BEND4: variants seen among roughly 807,000 people sequenced by gnomAD.
BEND4 encodes BEN domain-containing protein 4.
A neutral mutation model predicts 54.7 loss-of-function variants in BEND4; 27 were observed. The observed-to-expected ratio is 0.49, with a 90% confidence interval of 0.36 to 0.68. The LOEUF is 0.68. BEND4 is among the 30% of genes least tolerant of loss of function. BEND4 has a pLI of 0.00. For missense variants in BEND4, 702 were observed against 697.2 expected (o/e 1.01, Z -0.08); for synonymous variants, 327 against 299.5 (o/e 1.09, Z -0.95).
intron 4 of BEND4, among the ~76,000 whole-genome samples, chr4:42,125,075 C>T (rs1322461525): frequency 3.3e-5 from 5 of 152,052 alleles, no homozygotes; most frequent in Non-Finnish European, 7.4e-5. Context: ...AAGTATGTAC[C>T]ATCTTTATTA....
At chr4:42,120,504 A>G (rs896774123) in intron 4 of BEND4, among the ~76,000 whole-genome samples, 1 of 152,252 alleles carries the variant, frequency 6.6e-6, no homozygotes, top group Non-Finnish European at 1.5e-5. Flanking sequence ...CCAATGAGGT[A>G]TAATGAACAC....
intron 3 of BEND4, among the ~76,000 whole-genome samples, chr4:42,137,314 T>G (rs1411932953): frequency 2.0e-5 from 3 of 152,180 alleles, no homozygotes; most frequent in Admixed American, 2.0e-4. Flanking sequence ...GATTTCTACA[T>G]GCAAAAGAAT....
Position 42,143,642 on chromosome 4 carries a change from A to G in BEND4, c.840T>C (p.Asp280=). 1 of 1,613,468 alleles carries G rather than the reference A, an allele frequency of 6.2e-7. No homozygotes were observed. The highest frequency in any genetic ancestry group is 8.5e-7 in the Non-Finnish European group (1 of 1,179,728). Residue 280 remains aspartate, a synonymous_variant, in exon 3 of 6, where the codon GAT becomes GAC. Transcript: ENST00000502486. ...TATGCACAGGAGAGGTTGACAGAGG[A>G]TCCACGTCGGCCAGATGGCCATATT... ...ASEYGHLADV[D]PLSTSPVHTL...
chr4:42,121,512 T>C (rs1720058518), intron 4 of BEND4, among the ~76,000 whole-genome samples: 1 of 152,250 alleles, frequency 6.6e-6, no homozygotes, highest in Non-Finnish European at 1.5e-5. Context: ...ACTAACGAGC[T>C]AGTTACTTCA....
chr4:42,143,365 A>G lies in BEND4; in HGVS notation c.1054+63T>C. ...CATACATGAGTACAGAAATACACAG[A>G]CAGATGAGACAAGTGAAAGAAAGAA... On this transcript the variant is annotated intron_variant, in intron 3 of 5. Transcript: ENST00000502486. 3.0e-6 allele frequency: 4 copies of G among 1,339,560 alleles called. No homozygotes were observed. In the South Asian group the frequency reaches 5.0e-5, roughly 17 times the overall value. The allele number at this position is 1,339,560 out of a possible 1,614,324, so 83.0% of individuals were successfully genotyped here.
chr4:42,126,489 T>C (rs941033966), intron 3 of BEND4, among the ~76,000 whole-genome samples: 5 of 152,236 alleles, frequency 3.3e-5, no homozygotes, highest in African/African-American at 1.2e-4. Context: ...TCCCTAAGTG[T>C]CCCAAAAAGA....
At chr4:42,133,400 C>T (rs58313621) in intron 3 of BEND4, among the ~76,000 whole-genome samples, 1,871 of 152,280 alleles carry the variant, frequency 0.012, 20 homozygotes, top group African/African-American at 0.027. Flanking sequence ...TATGGTAACA[C>T]TAGTAGACAC....
intron 2 of BEND4, among the ~76,000 whole-genome samples, chr4:42,149,020 T>TCAACCCTTTCATCTTTTCACTC (rs1211883409): frequency 6.6e-6 from 1 of 152,208 alleles, no homozygotes; most frequent in Non-Finnish European, 1.5e-5. Context: ...AAGATTCACT[T>TCAACCCTTTCATCTTTTCACTC]CAACCCTTTC....
At chr4:42,133,264 G>A (rs1720570149) in intron 3 of BEND4, among the ~76,000 whole-genome samples, 1 of 152,156 alleles carries the variant, frequency 6.6e-6, no homozygotes. Flanking sequence ...AAGTAAACAT[G>A]GAGAGGGATG....
At chr4:42,119,930 G>A in intron 5 of BEND4, 124 bp downstream of exon 5, 2 of 1,230,896 alleles carry the variant, frequency 1.6e-6, no homozygotes, top group Non-Finnish European at 2.3e-6. Context: ...GCCACATGAA[G>A]CCTAGACGTT....
intron 5 of BEND4, among the ~76,000 whole-genome samples, 163 bp from the exon 6 acceptor site, chr4:42,117,898 T>C (rs1189925653): frequency 1.3e-5 from 2 of 151,226 alleles, no homozygotes; most frequent in African/African-American, 2.5e-5. Context: ...TTAGACCCAA[T>C]TTATTCCATA....
intron 3 of BEND4, among the ~76,000 whole-genome samples, chr4:42,132,991 T>A (rs1720562013): frequency 6.6e-6 from 1 of 152,232 alleles, no homozygotes; most frequent in African/African-American, 2.4e-5. Context: ...TTCTCCTCTA[T>A]GTAACAAAAT....
At chr4:42,142,539 A>C (rs541413378) in intron 3 of BEND4, among the ~76,000 whole-genome samples, 1 of 151,418 alleles carries the variant, frequency 6.6e-6, no homozygotes, top group Non-Finnish European at 1.5e-5. Context: ...AGGCTGAGGC[A>C]CAAGAATTGC....
rs958500831 is a variant in BEND4 at position 42,118,928 on chromosome 4, G to A, written c.1387+1126C>T. Reference sequence around the variant, plus strand: ...ATAGGAGGTGTGCTGGAGCACTTGTGCCTAGTAAATACAGGCATTTTCGTC... The same window carrying A: ...ATAGGAGGTGTGCTGGAGCACTTGTACCTAGTAAATACAGGCATTTTCGTC... On this transcript the variant is annotated intron_variant, in intron 5 of 5. Coordinates refer to ENST00000502486, the MANE Select transcript of BEND4 (RefSeq NM_207406.4). Among the ~76,000 whole-genome samples the A allele has an allele frequency of 3.3e-5, 5 of 152,188 alleles. No homozygotes were observed. In the South Asian group the frequency reaches 6.2e-4, roughly 19 times the overall value.
In BEND4 at chr4:42,151,943, G is replaced by A. The variant is rs553934173; in HGVS notation, c.201C>T (p.Ala67=). 6 of 1,248,868 alleles carry A rather than the reference G, an allele frequency of 4.8e-6. No individual in the cohort carries two copies. The highest frequency in any genetic ancestry group is 4.7e-5 in the African/African-American group (3 of 63,904). 77.4% of individuals were successfully genotyped at this position (1,248,868 alleles called of 1,614,324 possible). A position where few individuals can be genotyped will look rare whatever the true frequency, so the allele number is the denominator to read the frequency against. The change falls in exon 2 of 6, where the codon GCC becomes GCT. Residue 67 remains alanine, a synonymous_variant. Coordinates refer to ENST00000502486, the MANE Select transcript of BEND4 (RefSeq NM_207406.4). ...GCGGCTCGCTGCTGCTGATGGAGAC[G>A]GCGGCGTGCGGCGCGAAGGGCGGCG... ...PPPPPFAPHA[A]VSISSSEPPP... is the part of the protein sequence containing the mutation.
intron 3 of BEND4, among the ~76,000 whole-genome samples, chr4:42,127,642 G>A (rs149520964): frequency 2.2e-4 from 33 of 152,232 alleles, no homozygotes; most frequent in Admixed American, 1.2e-3. Flanking sequence ...TACTTTCTAC[G>A]TATGAATCCC....
intron 3 of BEND4, 141 bp downstream of exon 3, chr4:42,143,287 C>G: frequency 1.3e-6 from 1 of 753,246 alleles, no homozygotes; most frequent in Non-Finnish European, 2.1e-6. Context: ...TCCAACTTTT[C>G]TACATCACTG....
chr4:42,152,238 C>G lies in BEND4; in HGVS notation c.-95G>C, dbSNP rs536317530. The G allele has an allele frequency of 2.7e-5, 32 of 1,172,262 alleles. No homozygotes were observed. Among genetic ancestry groups the G allele is most frequent in the Non-Finnish European group, 3.4e-5 (32 of 935,400 alleles). 72.6% of individuals were successfully genotyped at this position (1,172,262 alleles called of 1,614,324 possible). Reference sequence around the variant, plus strand: ...CCGCCGCCTGCCCGCCGGGTCTGCCCTGGTGCGCGCGTGTGGGAGGGTGTG... The same window carrying G: ...CCGCCGCCTGCCCGCCGGGTCTGCCGTGGTGCGCGCGTGTGGGAGGGTGTG... On this transcript the variant is annotated 5_prime_UTR_variant, in exon 2 of 6. Coordinates refer to ENST00000502486, the MANE Select transcript of BEND4 (RefSeq NM_207406.4).
chr4:42,124,714 C>G (rs79096935), intron 4 of BEND4, among the ~76,000 whole-genome samples: 1,733 of 152,258 alleles, frequency 0.011, 39 homozygotes, highest in African/African-American at 0.04. Context: ...CGAATATAGA[C>G]CAGCTTTTCA....
Sources: allele counts gnomAD v4.1 joint callset (sites outside exome capture counted in the v4.1 genomes callset), GRCh38; gene constraint gnomAD v4.1.1; transcripts MANE v1.5; gene names NCBI Gene and HGNC (gene_info 2026-07-23, HGNC 2026-07-21).